TPST1: variants seen among roughly 807,000 people sequenced by gnomAD.
TPST1 encodes tyrosylprotein sulfotransferase 1.
TPST1 carries 20 observed loss-of-function variants against 34.8 expected under a neutral mutation model. The ratio of observed to expected loss-of-function variants is 0.57; its 90% confidence interval spans 0.40 to 0.84. TPST1 has a LOEUF of 0.84. Among genes scored for constraint, TPST1 ranks in the 40% least tolerant of loss-of-function variants. TPST1 has a pLI of 0.00. For synonymous variants in TPST1, 152 were observed against 159.4 expected (o/e 0.95, Z 0.35); for missense variants, 353 against 455.5 (o/e 0.78, Z 2.05).
chr7:66,357,581 G>GCC (rs1332349347), intron 5 of TPST1, among the ~76,000 whole-genome samples: 4 of 152,254 alleles, frequency 2.6e-5, no homozygotes, highest in African/African-American at 9.6e-5. Context: ...TGAGTATGTG[G>GCC]CCCTCATCAG....
rs868664904 is a variant in TPST1 at position 66,284,935 on chromosome 7, T to A, written c.846-1576T>A. Reference sequence around the variant, plus strand: ...CTTCCAACATGTTGAGCATCTGTTCTGATTTTCCTGACCCCACTTGCCTCA... The same window carrying A: ...CTTCCAACATGTTGAGCATCTGTTCAGATTTTCCTGACCCCACTTGCCTCA... On this transcript the variant is annotated intron_variant, in intron 2 of 5. Transcript: ENST00000304842. Among the ~76,000 whole-genome samples the A allele has an allele frequency of 2.6e-5, 4 of 152,186 alleles. No homozygotes were observed. In the South Asian group the frequency reaches 8.3e-4, roughly 31 times the overall value.
At chr7:66,237,131 C>G (rs1789927516) in intron 1 of TPST1, among the ~76,000 whole-genome samples, 1 of 152,198 alleles carries the variant, frequency 6.6e-6, no homozygotes, top group Non-Finnish European at 1.5e-5. Context: ...CACCCTCTCA[C>G]TCGCCTCCCA....
intron 2 of TPST1, among the ~76,000 whole-genome samples, chr7:66,261,054 T>C (rs1170058289): frequency 6.6e-6 from 1 of 152,146 alleles, no homozygotes; most frequent in Non-Finnish European, 1.5e-5. Flanking sequence ...ATTTCTCAAC[T>C]TAGAGTCTGC....
At chr7:66,301,021 T>C (rs1477647839) in intron 3 of TPST1, among the ~76,000 whole-genome samples, 1 of 152,074 alleles carries the variant, frequency 6.6e-6, no homozygotes, top group Non-Finnish European at 1.5e-5. Context: ...GAATGGATAC[T>C]GTGTTAGCAA....
upstream of TPST1, among the ~76,000 whole-genome samples, chr7:66,201,344 G>C (rs1789033888): frequency 7.6e-6 from 1 of 131,250 alleles, no homozygotes; most frequent in Admixed American, 8.7e-5. Flanking sequence ...AGGAGTTCAA[G>C]ACCAGTTTGG....
chr7:66,319,723 C>T (rs1386089408), intron 3 of TPST1, among the ~76,000 whole-genome samples: 1 of 152,194 alleles, frequency 6.6e-6, no homozygotes, highest in African/African-American at 2.4e-5. Flanking sequence ...AACACATTCT[C>T]TTAAATACTG....
At chr7:66,352,670 A>C in intron 4 of TPST1, 115 bp downstream of exon 4, 1 of 1,537,454 alleles carries the variant, frequency 6.5e-7, no homozygotes, top group South Asian at 1.3e-5. Flanking sequence ...CAAAAAGAAA[A>C]GAAGAAAAGG....
At chr7:66,279,783 T>C (rs1274829274) in intron 2 of TPST1, among the ~76,000 whole-genome samples, 3 of 152,246 alleles carry the variant, frequency 2.0e-5, no homozygotes, top group African/African-American at 7.2e-5. Flanking sequence ...ATAATGTATT[T>C]GTAAGAATTA....
intron 2 of TPST1, among the ~76,000 whole-genome samples, chr7:66,250,115 A>G (rs1200187380): frequency 1.3e-5 from 2 of 152,232 alleles, no homozygotes; most frequent in Non-Finnish European, 2.9e-5. Flanking sequence ...GATGGTAATG[A>G]TACCATCCAA....
At chr7:66,208,750 T>G (rs1349675345) in intron 1 of TPST1, among the ~76,000 whole-genome samples, 1 of 151,944 alleles carries the variant, frequency 6.6e-6, no homozygotes, top group Non-Finnish European at 1.5e-5. Flanking sequence ...ATTACAGGCG[T>G]GAGCCACTGT....
chr7:66,286,944 G>A (rs1339507276), intron 3 of TPST1, among the ~76,000 whole-genome samples: 12 of 139,282 alleles, frequency 8.6e-5, no homozygotes, highest in African/African-American at 3.2e-4. Flanking sequence ...ATGCTGGTGC[G>A]CTGCACCCAC....
intron 2 of TPST1, among the ~76,000 whole-genome samples, chr7:66,251,117 C>G (rs1484339793): frequency 6.6e-6 from 1 of 152,050 alleles, no homozygotes; most frequent in Admixed American, 6.5e-5. Flanking sequence ...GAAATAGTAT[C>G]CATTAAGGAT....
At chr7:66,305,583 T>C (rs1791406298) in intron 3 of TPST1, among the ~76,000 whole-genome samples, 1 of 152,218 alleles carries the variant, frequency 6.6e-6, no homozygotes, top group African/African-American at 2.4e-5. Flanking sequence ...CTAGCTATTA[T>C]AGTACCTGCC....
At chr7:66,281,509 C>G (rs1393294364) in intron 2 of TPST1, among the ~76,000 whole-genome samples, 1 of 152,102 alleles carries the variant, frequency 6.6e-6, no homozygotes, top group Non-Finnish European at 1.5e-5. Context: ...TTTAGGAACT[C>G]ATTATTGGTC....
At chr7:66,298,602 T>C (rs1009506778) in intron 3 of TPST1, among the ~76,000 whole-genome samples, 2 of 152,238 alleles carry the variant, frequency 1.3e-5, no homozygotes, top group Non-Finnish European at 2.9e-5. Context: ...TTAATGTAAT[T>C]ATTCATCTGA....
At chr7:66,324,099 T>C (rs1026814551) in intron 3 of TPST1, among the ~76,000 whole-genome samples, 3 of 152,218 alleles carry the variant, frequency 2.0e-5, no homozygotes, top group African/African-American at 7.2e-5. Flanking sequence ...TGATACATGC[T>C]ACAATAAGGA....
At chr7:66,304,651 C>T (rs141045397) in intron 3 of TPST1, among the ~76,000 whole-genome samples, 337 of 152,286 alleles carry the variant, frequency 2.2e-3, no homozygotes, top group African/African-American at 7.3e-3. Flanking sequence ...TTGTAACTAT[C>T]GCTTAGCAAA....
chr7:66,329,494 A>T (rs1289858326), intron 3 of TPST1, among the ~76,000 whole-genome samples: 1 of 152,122 alleles, frequency 6.6e-6, no homozygotes, highest in African/African-American at 2.4e-5. Context: ...TATCCCTAAG[A>T]ATAAAAGCAT....
chr7:66,272,828 C>T (rs1790731598), intron 2 of TPST1, among the ~76,000 whole-genome samples: 1 of 152,112 alleles, frequency 6.6e-6, no homozygotes, highest in South Asian at 2.1e-4. Flanking sequence ...CTCAAGCAGT[C>T]CACTCACCTT....
Sources: gnomAD v4.1 joint callset for allele counts (sites outside exome capture counted in the v4.1 genomes callset) on GRCh38, gnomAD v4.1.1 for gene constraint, MANE v1.5 for transcripts, NCBI Gene and HGNC (gene_info 2026-07-23, HGNC 2026-07-21) for gene names.